SCIN: variants seen among roughly 807,000 people sequenced by gnomAD.
SCIN encodes the protein adseverin.
SCIN carries 91 observed loss-of-function variants against 91.8 expected under a neutral mutation model. That is an observed-to-expected ratio of 0.99 (90% CI 0.84 to 1.18). The LOEUF (loss-of-function observed/expected upper bound fraction) is 1.18, where lower values mean the gene tolerates loss of function less well. Among genes scored for constraint, SCIN ranks in the 50% most tolerant of loss-of-function variants. SCIN has a pLI of 0.00. For synonymous variants in SCIN, 367 were observed against 312.6 expected, an observed-to-expected ratio of 1.17 and a Z score of -1.84; for missense variants, 1,087 against 863.9, an observed-to-expected ratio of 1.26 and a Z score of -3.24.
rs140367230 is a variant in SCIN, at chr7:12,588,079, G to T, written c.516+6858G>T. ...AATGCTTATTTTAAAACTAAAGACT[G>T]AACTAAATCTTCTCTGTTCTGGATA... On this transcript the variant is annotated intron_variant, in intron 3 of 15. Coordinates refer to ENST00000297029, the MANE Select transcript of SCIN (RefSeq NM_001112706.3). Among the ~76,000 whole-genome samples the T allele has an allele frequency of 2.0e-5, 3 of 152,256 alleles. No individual in the cohort carries two copies. In the East Asian group the frequency reaches 5.8e-4, roughly 29 times the overall value.
At chr7:12,636,200 T>A in intron 10 of SCIN, 65 bp downstream of exon 10, 1 of 1,115,940 alleles carries the variant, frequency 9.0e-7, no homozygotes, top group Non-Finnish European at 1.3e-6. Flanking sequence ...TGGATAGCTA[T>A]AGCTCCCTCC....
intron 13 of SCIN, among the ~76,000 whole-genome samples, chr7:12,648,511 G>T (rs1283776869): frequency 6.6e-6 from 1 of 151,954 alleles, no homozygotes. Context: ...TGGCCAGGCT[G>T]GTCTTGAACT....
intron 8 of SCIN, among the ~76,000 whole-genome samples, chr7:12,627,949 C>T (rs117327437): frequency 0.016 from 2,381 of 152,252 alleles, 23 homozygotes; most frequent in Middle Eastern, 0.027. Context: ...AAGCACTGCA[C>T]TGTTCCTGTC....
chr7:12,609,831 C>G (rs560630849), intron 4 of SCIN, among the ~76,000 whole-genome samples: 2 of 151,796 alleles, frequency 1.3e-5, no homozygotes, highest in African/African-American at 4.8e-5. Context: ...CTGTAAGGCT[C>G]TCTGGAAAGT....
At chr7:12,603,566 C>G (rs1562609133) in intron 3 of SCIN, among the ~76,000 whole-genome samples, 1 of 152,182 alleles carries the variant, frequency 6.6e-6, no homozygotes, top group East Asian at 1.9e-4. Flanking sequence ...TTCAACTTCT[C>G]TTTCTTTCTT....
intron 14 of SCIN, among the ~76,000 whole-genome samples, chr7:12,650,936 C>T (rs1403193744): frequency 6.6e-6 from 1 of 152,046 alleles, no homozygotes; most frequent in Non-Finnish European, 1.5e-5. Context: ...CAAGATCCAC[C>T]TCTAGGAAAT....
intron 4 of SCIN, among the ~76,000 whole-genome samples, chr7:12,607,789 G>C (rs911009408): frequency 4.6e-5 from 7 of 152,170 alleles, no homozygotes; most frequent in Admixed American, 3.3e-4. Flanking sequence ...CTGATTACAA[G>C]AAAGAGTAAT....
chr7:12,613,205 A>T (rs574616762), intron 4 of SCIN, among the ~76,000 whole-genome samples: 13 of 152,156 alleles, frequency 8.5e-5, no homozygotes, highest in African/African-American at 1.9e-4. Context: ...TAATATATTT[A>T]AAAAAAACTA....
Position 12,636,095 on chromosome 7 carries a change from C to A in SCIN, c.1370C>A (p.Thr457Asn). 1 of 1,613,214 alleles carries A rather than the reference C, an allele frequency of 6.2e-7. No individual in the cohort carries two copies. The highest frequency in any genetic ancestry group is 8.5e-7 in the Non-Finnish European group (1 of 1,179,656). Residue 457 changes from threonine (T) to asparagine (N), a missense_variant, in exon 10 of 16, where the codon ACT becomes AAT. Coordinates refer to ENST00000297029, the MANE Select transcript of SCIN (RefSeq NM_001112706.3). ...RDELTTSAFL[T>N]VQLDRSLGGQ... ...GAGCTGACAACATCTGCGTTCCTGACTGTTCAGTTGGATCGGTCCCTTGGA... is the reference window on the plus strand; with the variant it reads ...GAGCTGACAACATCTGCGTTCCTGAATGTTCAGTTGGATCGGTCCCTTGGA...
chr7:12,633,101 C>T (rs1783679019), intron 9 of SCIN, among the ~76,000 whole-genome samples: 1 of 152,110 alleles, frequency 6.6e-6, no homozygotes, highest in African/African-American at 2.4e-5. Context: ...AAACAACTTT[C>T]CAGTTTATGT....
chr7:12,612,770 A>G (rs560825193), intron 4 of SCIN, among the ~76,000 whole-genome samples: 2 of 152,204 alleles, frequency 1.3e-5, no homozygotes, highest in Non-Finnish European at 2.9e-5. Flanking sequence ...CAGTGGGGGA[A>G]GTTGAAATGT....
intron 4 of SCIN, among the ~76,000 whole-genome samples, chr7:12,608,645 T>A (rs1349624300): frequency 6.6e-6 from 1 of 151,930 alleles, no homozygotes; most frequent in Non-Finnish European, 1.5e-5. Flanking sequence ...ACCCAGCTAA[T>A]TTTTTGCATT....
intron 4 of SCIN, among the ~76,000 whole-genome samples, chr7:12,611,948 A>G (rs1406771154): frequency 6.6e-6 from 1 of 151,770 alleles, no homozygotes; most frequent in Non-Finnish European, 1.5e-5. Flanking sequence ...AAAAAGATTA[A>G]GGTTGCTTTA....
intron 3 of SCIN, among the ~76,000 whole-genome samples, chr7:12,595,371 C>T (rs898980821): frequency 6.6e-6 from 1 of 151,182 alleles, no homozygotes; most frequent in African/African-American, 2.4e-5. Context: ...CCCCATGCTG[C>T]CCGTAGGGCT....
chr7:12,628,235 G>T (rs904892574), intron 8 of SCIN, among the ~76,000 whole-genome samples: 1 of 152,030 alleles, frequency 6.6e-6, no homozygotes, highest in Admixed American at 6.6e-5. Context: ...ATCACATTTC[G>T]GTCTTATTCC....
chr7:12,610,767 G>A (rs1439729749), intron 4 of SCIN, among the ~76,000 whole-genome samples: 1 of 152,036 alleles, frequency 6.6e-6, no homozygotes, highest in African/African-American at 2.4e-5. Context: ...CTTTTTTCAG[G>A]TGATAGTTAG....
intron 1 of SCIN, among the ~76,000 whole-genome samples, chr7:12,575,912 C>A (rs374843995): frequency 1.4e-4 from 21 of 152,136 alleles, no homozygotes; most frequent in Non-Finnish European, 2.8e-4. Flanking sequence ...GACCGTCAAC[C>A]TCATTCAGGC....
intron 1 of SCIN, chr7:12,571,230 G>C: frequency 3.6e-6 from 2 of 548,928 alleles, no homozygotes; most frequent in Non-Finnish European, 6.5e-6. Context: ...CCTTTGCCAG[G>C]TGTAGTTCCT....
chr7:12,653,242 T>C lies in SCIN; in HGVS notation c.*527T>C, dbSNP rs1784118760. 1 of 152,192 alleles carries C rather than the reference T, an allele frequency of 6.6e-6. No individual in the cohort carries two copies. Among genetic ancestry groups the C allele is most frequent in the Non-Finnish European group, 1.5e-5 (1 of 68,058 alleles). 9.4% of individuals were successfully genotyped at this position (152,192 alleles called of 1,614,324 possible). On this transcript the variant is annotated 3_prime_UTR_variant, in exon 16 of 16. Coordinates refer to ENST00000297029, the MANE Select transcript of SCIN (RefSeq NM_001112706.3). This position sits in a 1 kb window ranked among gnomAD's most constrained non-coding sequence, Gnocchi z 4.1. ...GAAGGAAACTTTCGTTATGGGCCAATATTAGCTCTTATGGAAACTGATTTA... is the reference window on the plus strand; with the variant it reads ...GAAGGAAACTTTCGTTATGGGCCAACATTAGCTCTTATGGAAACTGATTTA...
Sources: gnomAD v4.1 joint callset for allele counts (sites outside exome capture counted in the v4.1 genomes callset) on GRCh38, gnomAD v4.1.1 for gene constraint, Gnocchi (gnomAD v3.1) non-coding constraint, MANE v1.5 for transcripts, NCBI Gene and HGNC (gene_info 2026-07-23, HGNC 2026-07-21) for gene names.